Variants in GALNTL6 observed in about 807,000 individuals in gnomAD.
The protein encoded by GALNTL6 is polypeptide N-acetylgalactosaminyltransferase-like 6.
In GALNTL6, 46 loss-of-function variants were observed where a neutral mutation model predicts 73.7. The ratio of observed to expected loss-of-function variants is 0.62; its 90% CI spans 0.49 to 0.80. GALNTL6 has a LOEUF of 0.80. Ranked by LOEUF, GALNTL6 falls within the 30% of genes least tolerant of loss-of-function variation. The pLI is 0.00. For missense variants in GALNTL6, 604 were observed against 755.0 expected (o/e 0.80, Z 2.34); for synonymous variants, 259 against 263.7 (o/e 0.98, Z 0.17).
intron 11 of GALNTL6, among the ~76,000 whole-genome samples, chr4:173,010,368 A>ATGG (rs1752491855): frequency 6.6e-6 from 1 of 152,036 alleles, no homozygotes; most frequent in Non-Finnish European, 1.5e-5. Context: ...GCTGAATAGT[A>ATGG]CTCCATTATG....
rs78220708 is a variant in GALNTL6, at chr4:172,237,464, G to A, written c.247+7700G>A. The stretch of plus-strand genomic sequence containing the variant: ...ACTTTTTGCTTGTTAAAGTGTGTAA[G>A]TTCCTTATAGATTCTGGATATTAGA... On this transcript the variant is annotated intron_variant, in intron 3 of 12. Coordinates refer to ENST00000506823, the MANE Select transcript of GALNTL6 (RefSeq NM_001034845.3). 4.3e-3 allele frequency among the ~76,000 whole-genome samples: 655 copies of A among 152,246 alleles called. 7 individuals are homozygous for A. Among genetic ancestry groups the A allele is most frequent in the African/African-American group, 0.015 (628 of 41,536 alleles).
At chr4:172,307,579 G>A (rs957443942) in intron 3 of GALNTL6, among the ~76,000 whole-genome samples, 1 of 152,128 alleles carries the variant, frequency 6.6e-6, no homozygotes, top group African/African-American at 2.4e-5. Flanking sequence ...TATGTGGCTT[G>A]CCAATTATTC....
chr4:172,121,257 TTGTGTGTGTGTGTGTG>T (rs375731048), intron 2 of GALNTL6, among the ~76,000 whole-genome samples: 4 of 142,370 alleles, frequency 2.8e-5, no homozygotes, highest in African/African-American at 5.1e-5. Flanking sequence ...TCAAGAAGCA[TTGTGTGTGTGTGTGTG>T]TGTGTGTGTG....
chr4:172,606,014 C>T (rs1200328848), intron 5 of GALNTL6, among the ~76,000 whole-genome samples: 2 of 48,122 alleles, frequency 4.2e-5, no homozygotes, highest in Non-Finnish European at 1.3e-4. Context: ...GTATGTGGGC[C>T]CCCAGTCCAT....
At chr4:172,964,444 C>T (rs558825638) in intron 10 of GALNTL6, among the ~76,000 whole-genome samples, 3 of 152,294 alleles carry the variant, frequency 2.0e-5, no homozygotes, top group East Asian at 3.9e-4. Flanking sequence ...AATCTGGGTA[C>T]ATCCATTTGT....
chr4:172,888,049 G>C (rs111792362), intron 8 of GALNTL6, among the ~76,000 whole-genome samples: 223 of 152,152 alleles, frequency 1.5e-3, no homozygotes, highest in African/African-American at 5.2e-3. Flanking sequence ...TTTTTCACTT[G>C]TTGATTCATT....
At chr4:172,883,808 A>T (rs73000177) in intron 8 of GALNTL6, among the ~76,000 whole-genome samples, 4,515 of 134,948 alleles carry the variant, frequency 0.033, 186 homozygotes, top group African/African-American at 0.099. Context: ...TTCTATTCCC[A>T]GCCTCTGGTA....
At chr4:172,026,304 A>G (rs911075187) in intron 2 of GALNTL6, among the ~76,000 whole-genome samples, 1 of 152,086 alleles carries the variant, frequency 6.6e-6, no homozygotes, top group Non-Finnish European at 1.5e-5. Context: ...TCCATGGAAA[A>G]TGTTAACTCT....
At chr4:172,042,040 AG>A in intron 2 of GALNTL6, among the ~76,000 whole-genome samples, 1 of 152,200 alleles carries the variant, frequency 6.6e-6, no homozygotes, top group East Asian at 1.9e-4. Context: ...ATGTGTAGAA[AG>A]CAAGGGGTAT....
intron 5 of GALNTL6, among the ~76,000 whole-genome samples, chr4:172,603,679 C>T (rs1489207422): frequency 4.6e-5 from 7 of 151,956 alleles, no homozygotes; most frequent in African/African-American, 9.7e-5. Context: ...GAAGACAAAA[C>T]CTTTAAAACT....
chr4:172,278,627 T>C (rs1208939181), intron 3 of GALNTL6, among the ~76,000 whole-genome samples: 3 of 152,188 alleles, frequency 2.0e-5, no homozygotes, highest in African/African-American at 7.2e-5. Flanking sequence ...TTCCAGTAAC[T>C]TCCTGAGAAG....
chr4:172,813,751 G>T (rs1031306336), intron 7 of GALNTL6, 28 bp downstream of exon 7: 3 of 1,561,484 alleles, frequency 1.9e-6, no homozygotes, highest in Non-Finnish European at 2.6e-6. Context: ...GAGGGGCCGA[G>T]GGGGTGAGGG....
chr4:172,305,912 AT>A (rs1740117102), intron 3 of GALNTL6, among the ~76,000 whole-genome samples: 3 of 152,124 alleles, frequency 2.0e-5, no homozygotes, highest in Non-Finnish European at 4.4e-5. Flanking sequence ...TGATGTACAA[AT>A]AAAATAAATT....
At chr4:172,601,271 A>G (rs1032033094) in intron 5 of GALNTL6, among the ~76,000 whole-genome samples, 2 of 152,194 alleles carry the variant, frequency 1.3e-5, no homozygotes, top group Non-Finnish European at 2.9e-5. Flanking sequence ...GAAAATGAAC[A>G]TAAGCTCAGT....
chr4:171,928,802 G>T (rs898673428), intron 2 of GALNTL6, among the ~76,000 whole-genome samples: 2 of 152,108 alleles, frequency 1.3e-5, no homozygotes, highest in Non-Finnish European at 2.9e-5. Flanking sequence ...GGAGCAATAC[G>T]CTATACCACA....
At chr4:171,920,738 T>G (rs1737761094) in intron 2 of GALNTL6, among the ~76,000 whole-genome samples, 1 of 152,144 alleles carries the variant, frequency 6.6e-6, no homozygotes, top group Non-Finnish European at 1.5e-5. Flanking sequence ...TCATATACTC[T>G]AATTTCCTGA....
intron 2 of GALNTL6, among the ~76,000 whole-genome samples, chr4:171,997,998 G>A (rs1243372074): frequency 6.6e-6 from 1 of 152,074 alleles, no homozygotes; most frequent in Non-Finnish European, 1.5e-5. Flanking sequence ...CAGTGTTTTG[G>A]GAGGCAGAGA....
chr4:171,997,522 C>T (rs138539031), intron 2 of GALNTL6, among the ~76,000 whole-genome samples: 1 of 152,032 alleles, frequency 6.6e-6, no homozygotes, highest in Admixed American at 6.6e-5. Flanking sequence ...TGGGCATAAT[C>T]ATCTAATGCA....
chr4:172,367,911 A>G lies in GALNTL6; in HGVS notation c.553+19222A>G, dbSNP rs570775710. Among the ~76,000 whole-genome samples the G allele has an allele frequency of 1.8e-3, 281 of 152,324 alleles. 1 individual carries two copies. The highest frequency in any genetic ancestry group is 8.9e-3 in the Admixed American group (136 of 15,296). On this transcript the variant is annotated intron_variant, in intron 5 of 12. Transcript: ENST00000506823. ...CTATACTCCAGACTTTTAAGCCTTA[A>G]TTGGCAATACCCATAATGCTCCACA...
Sources: gnomAD v4.1 joint callset for allele counts (sites outside exome capture counted in the v4.1 genomes callset) on GRCh38, gnomAD v4.1.1 for gene constraint, MANE v1.5 for transcripts, NCBI Gene and HGNC (gene_info 2026-07-23, HGNC 2026-07-21) for gene names.